The following NRXN3 variants were observed in gnomAD, a reference collection of about 807,000 sequenced individuals.
The protein encoded by NRXN3 is neurexin III.
In NRXN3, 32 loss-of-function variants were observed where a neutral mutation model predicts 137.6. That is an observed-to-expected ratio of 0.23 (90% CI 0.18 to 0.31). The LOEUF (loss-of-function observed/expected upper bound fraction) is 0.31, where lower values mean the gene tolerates loss of function less well. NRXN3 is among the 10% of genes least tolerant of loss of function. The pLI, the probability that NRXN3 is intolerant of heterozygous loss-of-function variation, is 1.00. For synonymous variants in NRXN3, 798 were observed against 784.5 expected (o/e 1.02, Z -0.29); for missense variants, 1,574 against 2,062.5 (o/e 0.76, Z 4.59).
At chr14:78,474,405 A>G (rs981570815) in intron 4 of NRXN3, among the ~76,000 whole-genome samples, 1 of 152,136 alleles carries the variant, frequency 6.6e-6, no homozygotes, top group Non-Finnish European at 1.5e-5. Flanking sequence ...ATTAACTGCT[A>G]AAAGGCATCC....
At chr14:78,180,012 A>T (rs189156440) in intron 1 of NRXN3, among the ~76,000 whole-genome samples, 2 of 151,682 alleles carry the variant, frequency 1.3e-5, no homozygotes, top group Non-Finnish European at 2.9e-5. Flanking sequence ...CATCCAGCTA[A>T]TTTTTTTGCA....
At chr14:78,814,512 G>A (rs2098925441) in intron 10 of NRXN3, among the ~76,000 whole-genome samples, 1 of 152,182 alleles carries the variant, frequency 6.6e-6, no homozygotes, top group South Asian at 2.1e-4. Context: ...CTACTCGGGA[G>A]GCTGAGGCAG....
intron 5 of NRXN3, chr14:78,649,125 C>A: frequency 2.2e-6 from 1 of 459,852 alleles, no homozygotes; most frequent in Non-Finnish European, 3.9e-6. Context: ...GAAACTAACA[C>A]AAGATCATTC....
chr14:79,160,670 GA>G (rs1193676955), intron 15 of NRXN3, among the ~76,000 whole-genome samples: 2 of 148,830 alleles, frequency 1.3e-5, no homozygotes, highest in Admixed American at 6.7e-5. Flanking sequence ...TAATCTCAAG[GA>G]AAAAAAAACA....
At chr14:78,851,471 A>C (rs1028277675) in intron 10 of NRXN3, among the ~76,000 whole-genome samples, 1 of 152,192 alleles carries the variant, frequency 6.6e-6, no homozygotes, top group Non-Finnish European at 1.5e-5. Context: ...ATAGATTAGC[A>C]GACTTGTTTT....
At chr14:78,523,504 T>A (rs1430185930) in intron 4 of NRXN3, among the ~76,000 whole-genome samples, 1 of 151,922 alleles carries the variant, frequency 6.6e-6, no homozygotes, top group East Asian at 1.9e-4. Flanking sequence ...TAGTAAAGAA[T>A]ACAAGAGAGT....
At chr14:78,699,949 G>A (rs1033807482) in intron 6 of NRXN3, among the ~76,000 whole-genome samples, 3 of 152,176 alleles carry the variant, frequency 2.0e-5, no homozygotes, top group Non-Finnish European at 2.9e-5. Flanking sequence ...TGTTTATGAC[G>A]CTTAGTTTAG....
chr14:79,218,487 A>G lies in NRXN3; in HGVS notation c.3262+230346A>G, dbSNP rs7151358. 9.6e-3 allele frequency among the ~76,000 whole-genome samples: 1,465 copies of G among 152,286 alleles called. 51 individuals are homozygous for G. In the East Asian group the frequency reaches 0.099, roughly 10 times the overall value. On this transcript the variant is annotated intron_variant, in intron 15 of 20. Coordinates refer to ENST00000335750, the MANE Select transcript of NRXN3 (RefSeq NM_001330195.2). ...TGGAGTATATAGGAATGAACAAGAC[A>G]GCCACACTTAGCAGAATGGGAGAGG...
At chr14:78,638,313 G>T (rs929630981) in intron 4 of NRXN3, among the ~76,000 whole-genome samples, 1 of 152,016 alleles carries the variant, frequency 6.6e-6, no homozygotes, top group East Asian at 1.9e-4. Flanking sequence ...ACAATTTCCC[G>T]TCTGCTGGTA....
chr14:78,602,959 C>A (rs2097214166), intron 4 of NRXN3, among the ~76,000 whole-genome samples: 1 of 152,110 alleles, frequency 6.6e-6, no homozygotes, highest in African/African-American at 2.4e-5. Context: ...AGCCTGCAGG[C>A]CTGTTCTGTG....
chr14:79,673,789 A>G (rs1381575237), intron 17 of NRXN3, among the ~76,000 whole-genome samples: 1 of 152,114 alleles, frequency 6.6e-6, no homozygotes, highest in Non-Finnish European at 1.5e-5. Flanking sequence ...CAAGGAAGAC[A>G]TTTTTATTGA....
chr14:78,866,866 C>A (rs1415210916), intron 10 of NRXN3, among the ~76,000 whole-genome samples: 2 of 141,952 alleles, frequency 1.4e-5, no homozygotes, highest in Non-Finnish European at 3.0e-5. Flanking sequence ...GGCACGGTCT[C>A]GGCTCGTTGT....
intron 8 of NRXN3, among the ~76,000 whole-genome samples, chr14:78,738,544 A>C (rs1421058055): frequency 1.3e-5 from 2 of 152,080 alleles, no homozygotes; most frequent in African/African-American, 2.4e-5. Flanking sequence ...AACCAGAAGC[A>C]CCTGCCAGAG....
chr14:79,338,029 T>C (rs1173693604), intron 15 of NRXN3, among the ~76,000 whole-genome samples: 1 of 152,128 alleles, frequency 6.6e-6, no homozygotes, highest in Non-Finnish European at 1.5e-5. Context: ...GTACAGAAGA[T>C]TACTTCCTTG....
chr14:78,797,038 A>G (rs139185548), intron 8 of NRXN3, among the ~76,000 whole-genome samples: 1 of 152,344 alleles, frequency 6.6e-6, no homozygotes, highest in Non-Finnish European at 1.5e-5. Flanking sequence ...GACAAAGGGC[A>G]AAAATCTAAC....
intron 15 of NRXN3, among the ~76,000 whole-genome samples, chr14:79,027,139 AACTTT>A (rs1380828216): frequency 2.0e-5 from 3 of 151,376 alleles, no homozygotes; most frequent in African/African-American, 7.3e-5. Flanking sequence ...ATATTTTAAA[AACTTT>A]ACTTATATCT....
chr14:78,942,988 G>T (rs2099356054), intron 10 of NRXN3, among the ~76,000 whole-genome samples: 1 of 152,178 alleles, frequency 6.6e-6, no homozygotes, highest in Non-Finnish European at 1.5e-5. Flanking sequence ...TGGGAAAATG[G>T]GAGATGTCTG....
intron 20 of NRXN3, among the ~76,000 whole-genome samples, chr14:79,837,616 C>T (rs189916911): frequency 1.2e-4 from 19 of 152,268 alleles, no homozygotes; most frequent in East Asian, 7.7e-4. Context: ...AAATAGTGAA[C>T]GCCACTGCTT....
chr14:79,788,683 TAGA>T (rs1393661899), intron 19 of NRXN3, among the ~76,000 whole-genome samples: 3 of 152,186 alleles, frequency 2.0e-5, no homozygotes, highest in Non-Finnish European at 4.4e-5. Context: ...TAGTTGCCTC[TAGA>T]AGAAGTCCCT....
Sources: gnomAD v4.1 joint callset for allele counts (sites outside exome capture counted in the v4.1 genomes callset) on GRCh38, gnomAD v4.1.1 for gene constraint, MANE v1.5 for transcripts, NCBI Gene and HGNC (gene_info 2026-07-23, HGNC 2026-07-21) for gene names.